SLC25A24: variants seen among roughly 807,000 people sequenced by gnomAD.
SLC25A24 encodes the protein mitochondrial adenyl nucleotide antiporter SLC25A24.
A neutral mutation model predicts 60.7 loss-of-function variants in SLC25A24; 49 were observed. The observed-to-expected ratio is 0.81, with a 90% confidence interval of 0.64 to 1.02. The LOEUF is 1.02. SLC25A24 is among the 50% of genes least tolerant of loss of function. SLC25A24 has a pLI of 0.00. For missense variants in SLC25A24, 564 were observed against 586.3 expected (o/e 0.96, Z 0.39); for synonymous variants, 202 against 200.6 (o/e 1.01, Z -0.06).
intron 6 of SLC25A24, among the ~76,000 whole-genome samples, chr1:108,153,767 G>C (rs1006970696): frequency 1.3e-5 from 2 of 152,170 alleles, no homozygotes; most frequent in Non-Finnish European, 2.9e-5. Context: ...ATGCCTGTTG[G>C]TGGTATCCAA....
At chr1:108,168,160 T>C (rs1247071370) in intron 3 of SLC25A24, among the ~76,000 whole-genome samples, 1 of 152,194 alleles carries the variant, frequency 6.6e-6, no homozygotes, top group Admixed American at 6.5e-5. Flanking sequence ...TTTTCAGGTA[T>C]TCATTATTGT....
At chr1:108,154,057 G>T (rs578107020) in intron 6 of SLC25A24, among the ~76,000 whole-genome samples, 1 of 143,470 alleles carries the variant, frequency 7.0e-6, no homozygotes, top group East Asian at 2.0e-4. Context: ...AAATCCTGGA[G>T]ACTAGATTTT....
rs1442121817 is a variant in SLC25A24, at chr1:108,200,224, G to C, written c.-86C>G. 2 of 1,300,608 alleles carry C rather than the reference G, an allele frequency of 1.5e-6. No homozygotes were observed. Among genetic ancestry groups the C allele is most frequent in the East Asian group, 3.0e-5 (1 of 33,232 alleles). The allele number at this position is 1,300,608 out of a possible 1,614,324, so 80.6% of individuals were successfully genotyped here. A position where few individuals can be genotyped will look rare whatever the true frequency, so the allele number is the denominator to read the frequency against. On this transcript the variant is annotated 5_prime_UTR_variant, in exon 1 of 10. Coordinates refer to ENST00000565488, the MANE Select transcript of SLC25A24 (RefSeq NM_013386.5). ...GAGACCGGGACCAGCGCGAGGCCGG[G>C]CTGGGCGGGGCGCGCGGCGCAACAG...
rs878893918 is a variant in SLC25A24 at position 108,186,047 on chromosome 1, T to G, written c.184-93A>C. On this transcript the variant is annotated intron_variant, in intron 1 of 9. Coordinates refer to ENST00000565488, the MANE Select transcript of SLC25A24 (RefSeq NM_013386.5). The stretch of plus-strand genomic sequence containing the variant: ...ATTTCAAGCAGATTAGCTGTTTTCC[T>G]AAAAGACTATAGTACCTATTTTTGG... The G allele has an allele frequency of 4.1e-6, 4 of 984,412 alleles. No individual in the cohort carries two copies. In the South Asian group the frequency reaches 7.7e-5, roughly 19 times the overall value. The allele number at this position is 984,412 out of a possible 1,614,324, so 61.0% of individuals were successfully genotyped here.
intron 8 of SLC25A24, among the ~76,000 whole-genome samples, chr1:108,142,421 G>A (rs557208792): frequency 4.6e-5 from 7 of 152,254 alleles, no homozygotes; most frequent in East Asian, 1.9e-4. Context: ...TACACATAAC[G>A]GAATATTACT....
intron 3 of SLC25A24, among the ~76,000 whole-genome samples, chr1:108,173,464 G>A (rs570699246): frequency 5.5e-4 from 83 of 152,272 alleles, no homozygotes; most frequent in African/African-American, 1.7e-3. Flanking sequence ...CCAGCCACGC[G>A]AAACTGTGAG....
chr1:108,172,800 C>T (rs574567025), intron 3 of SLC25A24, among the ~76,000 whole-genome samples: 5 of 152,252 alleles, frequency 3.3e-5, no homozygotes, highest in African/African-American at 1.2e-4. Flanking sequence ...ACACTAATGG[C>T]TTAGCACTTG....
intron 3 of SLC25A24, among the ~76,000 whole-genome samples, chr1:108,177,137 A>AT (rs1647702343): frequency 6.6e-6 from 1 of 152,100 alleles, no homozygotes; most frequent in Admixed American, 6.5e-5. Context: ...AAAAGTGTAG[A>AT]TTTTTTTGTT....
intron 3 of SLC25A24, among the ~76,000 whole-genome samples, chr1:108,162,499 G>T (rs2101619792): frequency 6.8e-6 from 1 of 147,954 alleles, no homozygotes; most frequent in African/African-American, 2.5e-5. Flanking sequence ...ACTGGTGTGA[G>T]ATGGTATCTC....
At chr1:108,167,948 G>A (rs1280576859) in intron 3 of SLC25A24, among the ~76,000 whole-genome samples, 1 of 152,124 alleles carries the variant, frequency 6.6e-6, no homozygotes, top group African/African-American at 2.4e-5. Context: ...TTTCTCCTAA[G>A]AGAAACTCTG....
chr1:108,139,246 C>T (rs770684683), intron 8 of SLC25A24, 38 bp from the exon 9 acceptor site: 1 of 1,555,800 alleles, frequency 6.4e-7, no homozygotes, highest in Admixed American at 1.9e-5. Flanking sequence ...TTAACGAACT[C>T]TACAACTTCA....
intron 1 of SLC25A24, among the ~76,000 whole-genome samples, chr1:108,187,775 G>T (rs998968370): frequency 6.6e-6 from 1 of 151,550 alleles, no homozygotes; most frequent in African/African-American, 2.4e-5. Flanking sequence ...CATTTTATGA[G>T]GCGGGTATAC....
At chr1:108,141,636 TAAAGAA>T (rs1679445211) in intron 8 of SLC25A24, among the ~76,000 whole-genome samples, 1 of 152,074 alleles carries the variant, frequency 6.6e-6, no homozygotes, top group African/African-American at 2.4e-5. Context: ...AACAGATGAA[TAAAGAA>T]AATGTGATAT....
intron 9 of SLC25A24, among the ~76,000 whole-genome samples, chr1:108,137,476 T>A (rs1679321765): frequency 6.6e-6 from 1 of 152,200 alleles, no homozygotes; most frequent in East Asian, 1.9e-4. Context: ...ATGCAGCCAA[T>A]TGTTGTATGT....
intron 7 of SLC25A24, among the ~76,000 whole-genome samples, chr1:108,144,036 C>T (rs1679518382): frequency 6.6e-6 from 1 of 152,086 alleles, no homozygotes; most frequent in African/African-American, 2.4e-5. Flanking sequence ...AAGGATAACC[C>T]CAATACTTCT....
At chr1:108,182,465 T>G (rs1647964625) in intron 2 of SLC25A24, among the ~76,000 whole-genome samples, 1 of 152,176 alleles carries the variant, frequency 6.6e-6, no homozygotes, top group Non-Finnish European at 1.5e-5. Flanking sequence ...ATGCAAAACA[T>G]CATATATGAC....
chr1:108,200,049 T>G lies in SLC25A24; in HGVS notation c.90A>C (p.Ala30=), dbSNP rs373391768. Residue 30 remains alanine (A), a synonymous_variant, in exon 1 of 10, where the codon GCA becomes GCC. Coordinates refer to ENST00000565488, the MANE Select transcript of SLC25A24 (RefSeq NM_013386.5). ...QPTRYETLFQ[A]LDRNGDGVVD... ...CCACTCCGTCCCCATTGCGGTCCAG[T>G]GCCTGGAAGAGGGTCTCGTAGCGCG... The G allele has an allele frequency of 1.0e-4, 166 of 1,606,736 alleles. No individual in the cohort carries two copies. The highest frequency in any genetic ancestry group is 1.3e-4 in the Non-Finnish European group (151 of 1,177,200).
chr1:108,141,844 C>A (rs1045192394), intron 8 of SLC25A24, among the ~76,000 whole-genome samples: 1 of 152,090 alleles, frequency 6.6e-6, no homozygotes, highest in Non-Finnish European at 1.5e-5. Flanking sequence ...GGTTACACAG[C>A]GCTGGGGTGA....
chr1:108,184,230 C>T (rs552190174), intron 2 of SLC25A24, among the ~76,000 whole-genome samples: 2 of 152,282 alleles, frequency 1.3e-5, no homozygotes, highest in South Asian at 4.1e-4. Flanking sequence ...GGATAATTGA[C>T]CTCTGATTAT....
Sources: gnomAD v4.1 joint callset for allele counts (sites outside exome capture counted in the v4.1 genomes callset) on GRCh38, gnomAD v4.1.1 for gene constraint, MANE v1.5 for transcripts, NCBI Gene and HGNC (gene_info 2026-07-23, HGNC 2026-07-21) for gene names.